The following RNF228 variants were observed in gnomAD, a reference collection of about 807,000 sequenced individuals.
The protein encoded by RNF228 is ring finger protein 228.
At chr2:222,314,541 A>G in the RNF228 span, among the ~76,000 whole-genome samples, 2 of 152,256 alleles carry the variant, frequency 1.3e-5, no homozygotes, top group African/African-American at 4.8e-5. Context: ...ATATTTAGCA[A>G]GCATGCAGTT....
the RNF228 span, chr2:222,319,197 A>T: frequency 1.3e-5 from 4 of 317,694 alleles, no homozygotes; most frequent in African/African-American, 8.8e-5. This position sits in a 1 kb window ranked among gnomAD's most constrained non-coding sequence, Gnocchi z 7.6. Context: ...GGCCACCGAC[A>T]GGCAGATGGG....
the RNF228 span, among the ~76,000 whole-genome samples, chr2:222,315,873 CATG>C: frequency 1.3e-5 from 2 of 152,262 alleles, no homozygotes; most frequent in African/African-American, 4.8e-5. Flanking sequence ...CCTATGAAAG[CATG>C]ATGATGAGTC....
chr2:222,318,777 C>CT, the RNF228 span: 2 of 150,380 alleles, frequency 1.3e-5, no homozygotes, highest in African/African-American at 2.4e-5. Flanking sequence ...AGAGACCCCC[C>CT]CCCCCCACCA....
At chr2:222,316,508 A>G in the RNF228 span, among the ~76,000 whole-genome samples, 18 of 152,214 alleles carry the variant, frequency 1.2e-4, no homozygotes, top group Admixed American at 5.9e-4. Context: ...GTTATGAGGA[A>G]TCTTTTAGGT....
chr2:222,315,296 G>A, the RNF228 span, among the ~76,000 whole-genome samples: 4 of 152,254 alleles, frequency 2.6e-5, no homozygotes, highest in African/African-American at 9.6e-5. Flanking sequence ...TCAAATGGAT[G>A]ACCAGATAGA....
the RNF228 span, chr2:222,319,082 G>C: frequency 5.6e-6 from 1 of 178,912 alleles, no homozygotes; most frequent in Non-Finnish European, 1.2e-5. This position sits in a 1 kb window ranked among gnomAD's most constrained non-coding sequence, Gnocchi z 7.6. Flanking sequence ...TCGGGCCGCC[G>C]CCGCCGCCGC....
At chr2:222,314,582 TG>T in the RNF228 span, among the ~76,000 whole-genome samples, 2 of 152,252 alleles carry the variant, frequency 1.3e-5, no homozygotes, top group African/African-American at 2.4e-5. Context: ...TCATCATCTT[TG>T]TATAATAGCA....
the RNF228 span, among the ~76,000 whole-genome samples, chr2:222,314,409 G>A: frequency 2.6e-4 from 39 of 152,244 alleles, no homozygotes; most frequent in Non-Finnish European, 4.1e-4. Context: ...TCTGGCTGCA[G>A]TCATTTCTAA....
the RNF228 span, among the ~76,000 whole-genome samples, chr2:222,320,039 G>A: frequency 6.6e-6 from 1 of 152,264 alleles, no homozygotes; most frequent in East Asian, 1.9e-4. Flanking sequence ...GCTGGCTGCC[G>A]CCGCTGTCGC....
the RNF228 span, chr2:222,318,317 C>G: frequency 3.9e-5 from 6 of 152,328 alleles, no homozygotes; most frequent in African/African-American, 9.6e-5. Context: ...GCCGCAGCCT[C>G]GGCCACTCCG....
the RNF228 span, chr2:222,319,165 C>A: frequency 3.4e-6 from 1 of 294,430 alleles, no homozygotes. The surrounding 1 kb of genome is among the most constrained non-coding windows in gnomAD (Gnocchi z 7.6). Flanking sequence ...GTGACAACGA[C>A]CGAGAAGAGT....
the RNF228 span, among the ~76,000 whole-genome samples, chr2:222,319,718 G>A: frequency 6.9e-6 from 1 of 145,920 alleles, no homozygotes; most frequent in Non-Finnish European, 1.5e-5. This position sits in a 1 kb window ranked among gnomAD's most constrained non-coding sequence, Gnocchi z 7.6. Context: ...CGATGGCGCC[G>A]GGCGGGCAGA....
chr2:222,320,154 C>T, the RNF228 span, among the ~76,000 whole-genome samples: 1 of 152,072 alleles, frequency 6.6e-6, no homozygotes, highest in Non-Finnish European at 1.5e-5. Context: ...GGAGGCGCTT[C>T]TGCCTCCCCC....
chr2:222,320,076 G>T, the RNF228 span, among the ~76,000 whole-genome samples: 1 of 152,096 alleles, frequency 6.6e-6, no homozygotes, highest in African/African-American at 2.4e-5. Context: ...GGCATGATCC[G>T]CCCCTCATCG....
the RNF228 span, among the ~76,000 whole-genome samples, chr2:222,315,036 T>C: frequency 1.3e-5 from 2 of 152,188 alleles, no homozygotes; most frequent in African/African-American, 2.4e-5. Context: ...TCCACTGTTA[T>C]AGTGCTAATT....
At chr2:222,317,510 A>G in the RNF228 span, 1 of 152,326 alleles carries the variant, frequency 6.6e-6, no homozygotes, top group Admixed American at 6.5e-5. Flanking sequence ...TCTTATTCCA[A>G]ATTTCAAAAG....
chr2:222,316,623 A>G, the RNF228 span, among the ~76,000 whole-genome samples: 1 of 152,222 alleles, frequency 6.6e-6, no homozygotes, highest in Non-Finnish European at 1.5e-5. Flanking sequence ...TAGCACACAT[A>G]AAAAACTCAT....
chr2:222,316,745 C>T, the RNF228 span, among the ~76,000 whole-genome samples: 1 of 152,172 alleles, frequency 6.6e-6, no homozygotes, highest in Non-Finnish European at 1.5e-5. Flanking sequence ...TACATATATA[C>T]ATGTGTAGCT....
the RNF228 span, among the ~76,000 whole-genome samples, chr2:222,316,285 T>C: frequency 1.4e-4 from 21 of 152,302 alleles, no homozygotes; most frequent in East Asian, 2.7e-3. Flanking sequence ...TGCCACTCAG[T>C]TCCTGATGGC....
Sources: allele counts gnomAD v4.1 joint callset (sites outside exome capture counted in the v4.1 genomes callset), GRCh38; gene constraint gnomAD v4.1.1; non-coding constraint Gnocchi (gnomAD v3.1); transcripts MANE v1.5; gene names NCBI Gene and HGNC (gene_info 2026-07-23, HGNC 2026-07-21).